The following COCH variants were observed in gnomAD, a reference collection of about 807,000 sequenced individuals.
COCH encodes the protein coagulation factor C homolog, cochlin (Limulus polyphemus).
COCH carries 40 observed loss-of-function variants against 54.8 expected under a neutral mutation model. That is an observed-to-expected ratio of 0.73 (90% confidence interval 0.57 to 0.95). The LOEUF (loss-of-function observed/expected upper bound fraction) is 0.95, where lower values mean the gene tolerates loss of function less well. Ranked by LOEUF, COCH falls within the 40% of genes least tolerant of loss-of-function variation. The pLI is 0.00. For missense variants in COCH, 605 were observed against 675.0 expected, an observed-to-expected ratio of 0.90 and a Z score of 1.15; for synonymous variants, 256 against 237.9, an observed-to-expected ratio of 1.08 and a Z score of -0.70.
intron 8 of COCH, among the ~76,000 whole-genome samples, chr14:30,882,380 T>G (rs56042100): frequency 6.6e-6 from 1 of 151,934 alleles, no homozygotes; most frequent in East Asian, 1.9e-4. Flanking sequence ...TCCACCTGCC[T>G]CGGACTCCCA....
chr14:30,885,499 A>G lies in COCH; in HGVS notation c.839A>G (p.Asp280Gly). Residue 280 changes from aspartate to glycine, a missense_variant, in exon 10 of 12, where the codon GAT (aspartate) becomes GGT (glycine). By Grantham distance (94) the Asp-to-Gly change is moderately conservative. Transcript: ENST00000396618. ...GTATTTATTGATGGTTGGCCTTCTG[A>G]TGACATCGAGGAAGCAGGCATTGTG... ...VVVFIDGWPS[D>G]DIEEAGIVAR... The G allele has an allele frequency of 6.2e-7, 1 of 1,613,808 alleles. No homozygotes were observed. Among genetic ancestry groups the G allele is most frequent in the Non-Finnish European group, 8.5e-7 (1 of 1,179,668 alleles).
intron 8 of COCH, among the ~76,000 whole-genome samples, chr14:30,882,119 G>GTTTTTTTTTTT (rs1566410309): frequency 4.7e-5 from 4 of 84,872 alleles, no homozygotes; most frequent in African/African-American, 1.8e-4. Context: ...ACTATAAAAT[G>GTTTTTTTTTTT]GTTTTTTTTT....
chr14:30,895,239 T>C (rs539394928), downstream of COCH: 2 of 679,532 alleles, frequency 2.9e-6, no homozygotes, highest in Admixed American at 6.2e-5. Context: ...TAATTACAGT[T>C]AACTTAATGA....
intron 11 of COCH, 89 bp downstream of exon 11, chr14:30,886,401 T>C: frequency 3.7e-6 from 5 of 1,365,306 alleles, no homozygotes; most frequent in Non-Finnish European, 5.1e-6. Flanking sequence ...ATTTATTTCA[T>C]TAAACAAACA....
Position 30,885,844 on chromosome 14 carries a change from T to C in COCH, c.1009T>C (p.Phe337Leu), listed in dbSNP as rs370525728. Residue 337 changes from phenylalanine (F) to leucine (L), a missense_variant, in exon 11 of 12, where the codon TTT becomes CTT. Transcript: ENST00000396618. ...GFFSYHMPNW[F>L]GTTKYVKPLV... ...CTTCTCTTACCACATGCCCAACTGG[T>C]TTGGCACCACAAAATACGTAAAGCC... 91 of 1,614,178 alleles carry C rather than the reference T, an allele frequency of 5.6e-5. No homozygotes were observed. The African/African-American group carries it at 1.0e-3, about 18-fold the overall frequency.
In COCH at chr14:30,877,582, T is replaced by C; in HGVS notation, c.93T>C (p.Ala31=). 6.2e-7 allele frequency: 1 copy of C among 1,614,220 alleles called. No homozygotes were observed. Among genetic ancestry groups the C allele is most frequent in the Non-Finnish European group, 8.5e-7 (1 of 1,180,042 alleles). Residue 31 remains alanine, a synonymous_variant, in exon 4 of 12, where the codon GCT becomes GCC. Transcript: ENST00000396618. The surrounding 1 kb of genome is among the most constrained non-coding windows in gnomAD (Gnocchi z 8.6). ...PAGSEGAAPI[A]ITCFTRGLDI... ...CTCCTTTTTCTTCAGCTCCCATTGCTATCACATGTTTTACCAGAGGCTTGG... is the reference window on the plus strand; with the variant it reads ...CTCCTTTTTCTTCAGCTCCCATTGCCATCACATGTTTTACCAGAGGCTTGG...
chr14:30,885,299 A>C, intron 9 of COCH, 95 bp from the exon 10 acceptor site: 2 of 1,142,766 alleles, frequency 1.8e-6, no homozygotes, highest in Non-Finnish European at 2.6e-6. Context: ...TCTATATATA[A>C]TTCTTAAACT....
chr14:30,886,399 C>A (rs991455589), intron 11 of COCH, 87 bp downstream of exon 11: 38 of 1,401,084 alleles, frequency 2.7e-5, no homozygotes, highest in Middle Eastern at 3.6e-4. Flanking sequence ...GCATTTATTT[C>A]ATTAAACAAA....
At position 30,877,768 on chromosome 14, in the gene COCH, GTGAT is replaced by G. The variant is rs1895420701; in HGVS notation, c.239+42_239+45del. 1 of 1,613,110 alleles carries G rather than the reference GTGAT, an allele frequency of 6.2e-7. No individual in the cohort carries two copies. The highest frequency in any genetic ancestry group is 8.5e-7 in the Non-Finnish European group (1 of 1,179,940). On this transcript the variant is annotated intron_variant, in intron 4 of 11. Transcript: ENST00000396618. This position sits in a 1 kb window ranked among gnomAD's most constrained non-coding sequence, Gnocchi z 8.6. ...ACCAGGGTGGGAGAGAAATGCAGAC[GTGAT>G]TATTTCCTTTCCTGCTTTACCCATC...
At chr14:30,882,070 A>C (rs1283580401) in intron 8 of COCH, among the ~76,000 whole-genome samples, 1 of 150,450 alleles carries the variant, frequency 6.6e-6, no homozygotes, top group Non-Finnish European at 1.5e-5. Flanking sequence ...TAGAGCACAA[A>C]AAAAGAAATG....
rs61175020 is a variant in COCH at position 30,882,120 on chromosome 14, G to GTTTTTTTTTTTTTTTTTTTTTT, written c.629+1392_629+1413dup. 3.4e-4 allele frequency among the ~76,000 whole-genome samples: 23 copies of GTTTTTTTTTTTTTTTTTTTTTT among 67,914 alleles called. 6 individuals are homozygous for GTTTTTTTTTTTTTTTTTTTTTT. Among genetic ancestry groups the GTTTTTTTTTTTTTTTTTTTTTT allele is most frequent in the African/African-American group, 7.9e-4 (12 of 15,214 alleles). The allele number at this position is 67,914 out of a possible 152,430, so 44.6% of individuals were successfully genotyped here. A position where few individuals can be genotyped will look rare whatever the true frequency, so the allele number is the denominator to read the frequency against. ...CCCTAGAGATAATCACTATAAAATG[G>GTTTTTTTTTTTTTTTTTTTTTT]TTTTTTTTTTTTTTTTTTTTTTTTT... On this transcript the variant is annotated intron_variant, in intron 8 of 11. Transcript: ENST00000396618.
rs946162536 is a variant in COCH, at chr14:30,878,895, C to T, written c.324C>T (p.Gly108=). ...ACTATTCCTCAGTAGATGCCAATGG[C>T]ATCCAGTCTCAAATGCTTTCTAGAT... is the stretch of plus-strand genomic sequence containing the variant. ...RENYSSVDAN[G]IQSQMLSRWS... The change falls in exon 5 of 12, where the codon GGC becomes GGT. Residue 108 remains glycine, a synonymous_variant. Coordinates refer to ENST00000396618, the MANE Select transcript of COCH (RefSeq NM_004086.3). 1 of 1,614,010 alleles carries T rather than the reference C, an allele frequency of 6.2e-7. No individual in the cohort carries two copies.
chr14:30,892,377 G>T (rs763395371), downstream of COCH, among the ~76,000 whole-genome samples: 5 of 152,076 alleles, frequency 3.3e-5, no homozygotes, highest in Non-Finnish European at 7.4e-5. Flanking sequence ...ATAGGTGCTA[G>T]AAACAATTCT....
downstream of COCH, among the ~76,000 whole-genome samples, chr14:30,892,426 A>G (rs1896005082): frequency 6.6e-6 from 1 of 152,226 alleles, no homozygotes; most frequent in Non-Finnish European, 1.5e-5. Context: ...AAAAAAGAAG[A>G]AACAGAAGAG....
At position 30,874,981 on chromosome 14, in the gene COCH, G is replaced by A. The variant is rs2138824590; in HGVS notation, c.34+9G>A. ...CCCGGCTCTCGGCCTCGGTGGGTGC[G>A]CGCCCCTCACGACCCCGGCCCCTTG... is the stretch of plus-strand genomic sequence containing the variant. On this transcript the variant is annotated intron_variant, in intron 2 of 11. Transcript: ENST00000396618. 6.2e-7 allele frequency: 1 copy of A among 1,613,034 alleles called. No homozygotes were observed. The highest frequency in any genetic ancestry group is 8.5e-7 in the Non-Finnish European group (1 of 1,179,814).
Position 30,885,433 on chromosome 14 carries a change from TA to T in COCH, c.774del (p.Asp259MetfsTer4). On this transcript the variant is annotated frameshift_variant, in exon 10 of 12. Transcript: ENST00000396618. LOFTEE classifies it high-confidence loss of function. ...CATACTGCTCAGAAATTCTTCACGG[TA>T]GATGCTGGAGTAAGAAAAGGGATCC... ...LKHTAQKFFTVDAGVRKGIPK... is the reference protein window; with the variant it reads ...LKHTAQKFFTXDAGVRKGIPK... The T allele has an allele frequency of 6.2e-7, 1 of 1,614,150 alleles. No individual in the cohort carries two copies.
intron 11 of COCH, among the ~76,000 whole-genome samples, chr14:30,888,540 G>C (rs768689810): frequency 6.6e-6 from 1 of 152,064 alleles, no homozygotes; most frequent in Non-Finnish European, 1.5e-5. Flanking sequence ...CCAGCACTTT[G>C]GGAGGCCGAG....
chr14:30,882,436 G>C (rs1332626848), intron 8 of COCH, among the ~76,000 whole-genome samples: 2 of 151,910 alleles, frequency 1.3e-5, no homozygotes, highest in Non-Finnish European at 2.9e-5. Context: ...GGCCCCTTCA[G>C]TATTTTAAGG....
chr14:30,888,375 A>G (rs961614517), intron 11 of COCH, among the ~76,000 whole-genome samples: 2 of 152,102 alleles, frequency 1.3e-5, no homozygotes, highest in African/African-American at 2.4e-5. Context: ...AGCACTGTAT[A>G]CCACTAGAAG....
Sources: gnomAD v4.1 joint callset for allele counts (sites outside exome capture counted in the v4.1 genomes callset) on GRCh38, gnomAD v4.1.1 for gene constraint, Gnocchi (gnomAD v3.1) non-coding constraint, MANE v1.5 for transcripts, NCBI Gene and HGNC (gene_info 2026-07-23, HGNC 2026-07-21) for gene names.